Variants in MACROD1 observed in about 807,000 individuals in gnomAD.
MACROD1 encodes the protein mono-ADP ribosylhydrolase 1.
Under a neutral mutation model 41.4 loss-of-function variants are expected in MACROD1, and 31 were observed. That is an observed-to-expected ratio of 0.75 (90% confidence interval 0.56 to 1.01). MACROD1 has a LOEUF of 1.01. MACROD1 is among the 50% of genes least tolerant of loss of function. The pLI is 0.00. For synonymous variants in MACROD1, 252 were observed against 203.4 expected (o/e 1.24, Z -2.03); for missense variants, 473 against 460.0 (o/e 1.03, Z -0.26).
chr11:63,998,650 G>T lies in MACROD1; in HGVS notation c.*68C>A. The T allele has an allele frequency of 7.6e-7, 1 of 1,307,626 alleles. No homozygotes were observed. The highest frequency in any genetic ancestry group is 9.7e-7 in the Non-Finnish European group (1 of 1,031,170). 81.0% of individuals were successfully genotyped at this position (1,307,626 alleles called of 1,614,324 possible). ...CCCAGGCCAGGCTGCAGGCTTTGGC[G>T]ACCTCTCAGAGCTGGGAGCGGGGTC... is the stretch of plus-strand genomic sequence containing the variant. On this transcript the variant is annotated 3_prime_UTR_variant, in exon 11 of 11. Transcript: ENST00000255681.
intron 3 of MACROD1, among the ~76,000 whole-genome samples, chr11:64,089,030 G>A (rs1419248119): frequency 6.6e-6 from 1 of 152,218 alleles, no homozygotes; most frequent in Non-Finnish European, 1.5e-5. Context: ...ACTGACAAGA[G>A]AGGGAAGCCT....
At chr11:64,136,656 G>A (rs1945337087) in intron 3 of MACROD1, among the ~76,000 whole-genome samples, 1 of 152,254 alleles carries the variant, frequency 6.6e-6, no homozygotes, top group South Asian at 2.1e-4. Context: ...GAGAGGGTCA[G>A]AGGGACCCCC....
At chr11:64,118,924 G>A (rs761392849) in intron 3 of MACROD1, 2 of 163,096 alleles carry the variant, frequency 1.2e-5, no homozygotes, top group African/African-American at 4.9e-5. Context: ...TCATGTAGTC[G>A]ATTAAAAAAA....
At chr11:64,061,065 TC>T (rs1416135538) in intron 3 of MACROD1, among the ~76,000 whole-genome samples, 7 of 151,822 alleles carry the variant, frequency 4.6e-5, no homozygotes, top group Admixed American at 3.9e-4. Flanking sequence ...GGGCTTGGCG[TC>T]CCCCCCACTC....
intron 3 of MACROD1, among the ~76,000 whole-genome samples, chr11:64,083,412 G>A (rs1944336981): frequency 6.6e-6 from 1 of 152,172 alleles, no homozygotes; most frequent in South Asian, 2.1e-4. Flanking sequence ...CTCCAGCCTG[G>A]CAACACTGCC....
intron 4 of MACROD1, among the ~76,000 whole-genome samples, chr11:64,009,413 C>G (rs1942967338): frequency 6.6e-6 from 1 of 152,100 alleles, no homozygotes; most frequent in African/African-American, 2.4e-5. Context: ...CCCGTCCATC[C>G]TGCTCTACCT....
At chr11:64,130,568 C>CT (rs746722228) in intron 3 of MACROD1, among the ~76,000 whole-genome samples, 1 of 152,190 alleles carries the variant, frequency 6.6e-6, no homozygotes, top group Non-Finnish European at 1.5e-5. Context: ...ATCACCCAGC[C>CT]TAGGAGGGTC....
intron 3 of MACROD1, among the ~76,000 whole-genome samples, chr11:64,089,761 C>A (rs1311923637): frequency 6.6e-6 from 1 of 152,078 alleles, no homozygotes; most frequent in Non-Finnish European, 1.5e-5. Context: ...GCTGCCAGTC[C>A]CGTGGGGGCA....
chr11:64,069,277 G>T (rs2096734), intron 3 of MACROD1, among the ~76,000 whole-genome samples: 26 of 152,334 alleles, frequency 1.7e-4, no homozygotes, highest in African/African-American at 5.8e-4. Context: ...GCTCTGAACC[G>T]CAGGGGAAGG....
intron 3 of MACROD1, among the ~76,000 whole-genome samples, chr11:64,134,272 C>T (rs1945303333): frequency 6.6e-6 from 1 of 152,194 alleles, no homozygotes; most frequent in Non-Finnish European, 1.5e-5. Context: ...TTCCACCCCA[C>T]CCTGAGCTTT....
intron 4 of MACROD1, among the ~76,000 whole-genome samples, chr11:64,011,924 G>A (rs1024357807): frequency 1.3e-5 from 2 of 152,014 alleles, no homozygotes; most frequent in South Asian, 4.1e-4. Context: ...GGGTATAGGG[G>A]AGGGCAGAGC....
intron 4 of MACROD1, among the ~76,000 whole-genome samples, chr11:64,002,160 T>G (rs1316143438): frequency 6.6e-6 from 1 of 152,074 alleles, no homozygotes; most frequent in African/African-American, 2.4e-5. Flanking sequence ...TCACAGTGTG[T>G]GGGGGTGAGC....
At chr11:64,029,559 T>C (rs1430586758) in intron 3 of MACROD1, among the ~76,000 whole-genome samples, 1 of 151,956 alleles carries the variant, frequency 6.6e-6, no homozygotes, top group African/African-American at 2.4e-5. Context: ...CCAGCCCCCA[T>C]TTGCTTCCAC....
chr11:63,999,915 C>T lies in MACROD1; in HGVS notation c.665-152G>A, dbSNP rs562483879. On this transcript the variant is annotated intron_variant, in intron 5 of 10. Coordinates refer to ENST00000255681, the MANE Select transcript of MACROD1 (RefSeq NM_014067.4). ...CGAAGGCCCCCACCCCTGTGGGCCC[C>T]CTCGAGCCCGAATCCGCACGCGCAC... 6 of 923,528 alleles carry T rather than the reference C, an allele frequency of 6.5e-6. No individual in the cohort carries two copies. In the South Asian group the frequency reaches 7.0e-5, roughly 11 times the overall value. The allele number at this position is 923,528 out of a possible 1,614,324, so 57.2% of individuals were successfully genotyped here.
At chr11:64,104,009 G>T (rs1218564100) in intron 3 of MACROD1, 1 of 152,336 alleles carries the variant, frequency 6.6e-6, no homozygotes, top group Admixed American at 6.5e-5. Context: ...TCACCCCAGG[G>T]CTGAGGTCTG....
intron 3 of MACROD1, among the ~76,000 whole-genome samples, chr11:64,046,950 C>T (rs777257458): frequency 1.3e-5 from 2 of 152,238 alleles, no homozygotes; most frequent in Non-Finnish European, 2.9e-5. Context: ...CCATCAGTGG[C>T]TCTCTAGTTC....
chr11:64,084,007 G>C (rs1054822193), intron 3 of MACROD1, among the ~76,000 whole-genome samples: 3 of 29,842 alleles, frequency 1.0e-4, no homozygotes, highest in African/African-American at 1.8e-4. Context: ...GCTGGGTTCC[G>C]GCCTTTCACT....
chr11:64,033,869 T>G (rs1943325520), intron 3 of MACROD1, among the ~76,000 whole-genome samples: 7 of 152,082 alleles, frequency 4.6e-5, no homozygotes, highest in Admixed American at 4.6e-4. Flanking sequence ...TTTTATTTTT[T>G]TGTATTTTTT....
intron 1 of MACROD1, among the ~76,000 whole-genome samples, chr11:64,164,531 T>C (rs1945805679): frequency 6.6e-6 from 1 of 152,182 alleles, no homozygotes; most frequent in African/African-American, 2.4e-5. Flanking sequence ...CCTGCTGTTC[T>C]GGGGCAAGGG....
Sources: gnomAD v4.1 joint callset for allele counts (sites outside exome capture counted in the v4.1 genomes callset) on GRCh38, gnomAD v4.1.1 for gene constraint, MANE v1.5 for transcripts, NCBI Gene and HGNC (gene_info 2026-07-23, HGNC 2026-07-21) for gene names.